PKM: variants seen among roughly 807,000 people sequenced by gnomAD.
The protein encoded by PKM is pyruvate kinase M1/2.
In PKM, 18 loss-of-function variants were observed where a neutral mutation model predicts 49.8. The ratio of observed to expected loss-of-function variants is 0.36; its 90% CI spans 0.25 to 0.54. PKM has a LOEUF of 0.54. PKM is among the 20% of genes least tolerant of loss of function. The pLI is 0.89. For synonymous variants in PKM, 239 were observed against 261.8 expected (o/e 0.91, Z 0.84); for missense variants, 508 against 713.8 (o/e 0.71, Z 3.28).
chr15:72,211,314 A>G (rs970389018), intron 3 of PKM, among the ~76,000 whole-genome samples: 1 of 151,716 alleles, frequency 6.6e-6, no homozygotes, highest in East Asian at 1.9e-4. Flanking sequence ...TGATCCGCCC[A>G]CCTCGGCCTC....
intron 1 of PKM, chr15:72,219,322 G>C (rs573838573): frequency 1.9e-6 from 1 of 533,414 alleles, no homozygotes; most frequent in East Asian, 3.1e-5. Flanking sequence ...GGACCTTACT[G>C]AACAAGTTAA....
In PKM at chr15:72,200,469, C is replaced by T. The variant is rs1361135835; in HGVS notation, c.1489+5G>A. 8 of 1,612,312 alleles carry T rather than the reference C, an allele frequency of 5.0e-6. No homozygotes were observed. Among genetic ancestry groups the T allele is most frequent in the South Asian group, 1.1e-5 (1 of 91,022 alleles). The stretch of plus-strand genomic sequence containing the variant: ...TAGGCTCTAGCCCCTGCTCCAGCCA[C>T]GTACCAACATTCATGGCAAAGTTCA... On this transcript the variant is annotated splice_donor_5th_base_variant and intron_variant, in intron 10 of 10. Coordinates refer to ENST00000335181, the MANE Select transcript of PKM (RefSeq NM_002654.6). This position sits in a 1 kb window ranked among gnomAD's most constrained non-coding sequence, Gnocchi z 4.6.
At chr15:72,203,344 G>A (rs2081993879) in intron 8 of PKM, 2 of 676,584 alleles carry the variant, frequency 3.0e-6, no homozygotes, top group Middle Eastern at 4.0e-4. Context: ...TGCAGAGGTA[G>A]GGTGATGAAA....
At chr15:72,209,421 A>C in intron 5 of PKM, 1 of 20,702 alleles carries the variant, frequency 4.8e-5, no homozygotes, top group Non-Finnish European at 1.3e-4. Flanking sequence ...ATATATATAT[A>C]TATATATATA....
chr15:72,230,905 C>A lies in PKM; in HGVS notation c.-14+211G>T, dbSNP rs1276516559. 3 of 1,285,986 alleles carry A rather than the reference C, an allele frequency of 2.3e-6. No individual in the cohort carries two copies. In the African/African-American group the frequency reaches 4.6e-5, roughly 20 times the overall value. The allele number at this position is 1,285,986 out of a possible 1,614,324, so 79.7% of individuals were successfully genotyped here. A position where few individuals can be genotyped will look rare whatever the true frequency, so the allele number is the denominator to read the frequency against. ...AAAGGAGCCGGCGGACCCGCCTGAT[C>A]TGGAAGGAACGGCGCTGGGGACTTC... is the stretch of plus-strand genomic sequence containing the variant. On this transcript the variant is annotated intron_variant, in intron 1 of 10. Coordinates refer to ENST00000335181, the MANE Select transcript of PKM (RefSeq NM_002654.6).
chr15:72,209,052 G>A, intron 5 of PKM, 161 bp from the exon 6 acceptor site: 2 of 745,172 alleles, frequency 2.7e-6, no homozygotes, highest in Non-Finnish European at 4.6e-6. Flanking sequence ...GTAATCCTGG[G>A]CAAGCCATTT....
At chr15:72,230,370 A>G (rs1252473784) in intron 1 of PKM, among the ~76,000 whole-genome samples, 3 of 152,166 alleles carry the variant, frequency 2.0e-5, no homozygotes, top group Non-Finnish European at 4.4e-5. Context: ...ACGGGGCCTC[A>G]GCACCGCCCG....
At chr15:72,206,130 C>G (rs2140633459) in intron 8 of PKM, 1 of 155,218 alleles carries the variant, frequency 6.4e-6, no homozygotes, top group East Asian at 1.9e-4. Context: ...GTAAGAGCAG[C>G]AGCTGTACCC....
chr15:72,210,558 T>C (rs1196133589), intron 3 of PKM, 80 bp from the exon 4 acceptor site: 1 of 1,547,092 alleles, frequency 6.5e-7, no homozygotes, highest in Admixed American at 1.7e-5. Context: ...GAGCCAAAGC[T>C]GATCACTCAG....
At chr15:72,230,804 G>A in intron 1 of PKM, 2 of 533,102 alleles carry the variant, frequency 3.8e-6, no homozygotes, top group East Asian at 7.5e-5. Context: ...GAAGGCAGGC[G>A]AGGATGGAGG....
Position 72,207,226 on chromosome 15 carries a change from A to G in PKM, c.888T>C (p.Asp296=), listed in dbSNP as rs1596737617. Residue 296 remains aspartate (D), a synonymous_variant, in exon 7 of 11, where the codon GAT becomes GAC. Transcript: ENST00000335181. ...ASDGIMVARG[D]LGIEIPAEKV... ...TCTCTGCAGGAATCTCAATGCCTAGATCACCACGAGCCACCATGATCCCAT... is the reference window on the plus strand; with the variant it reads ...TCTCTGCAGGAATCTCAATGCCTAGGTCACCACGAGCCACCATGATCCCAT... 1.2e-6 allele frequency: 2 copies of G among 1,614,124 alleles called. No homozygotes were observed. The highest frequency in any genetic ancestry group is 1.7e-6 in the Non-Finnish European group (2 of 1,179,980).
In PKM at chr15:72,208,689, C is replaced by G; in HGVS notation, c.768G>C (p.Lys256Asn). The G allele has an allele frequency of 6.2e-6, 10 of 1,614,150 alleles. No individual in the cohort carries two copies. Among genetic ancestry groups the G allele is most frequent in the Non-Finnish European group, 8.5e-6 (10 of 1,180,030 alleles). Residue 256 changes from lysine (K) to asparagine (N), a missense_variant, in exon 6 of 11, where the codon AAG (lysine) becomes AAC (asparagine). Lys to Asn is a moderately conservative substitution (Grantham distance 94). Transcript: ENST00000335181. The stretch of plus-strand genomic sequence containing the variant: ...TGTTCTTTCCCTTCTCTCCCAGGAC[C>G]TTCCTAACTTCATGGACATCAGATG... ...RKASDVHEVR[K>N]VLGEKGKNIK...
chr15:72,213,924 G>A (rs765311400), intron 3 of PKM, among the ~76,000 whole-genome samples: 18 of 152,002 alleles, frequency 1.2e-4, no homozygotes, highest in Admixed American at 2.0e-4. Context: ...GCACATCCTC[G>A]CATTCTTCAC....
chr15:72,202,231 T>C lies in PKM; in HGVS notation c.1307+223A>G. The C allele has an allele frequency of 1.7e-6, 1 of 588,340 alleles. No homozygotes were observed. Among genetic ancestry groups the C allele is most frequent in the South Asian group, 2.0e-5 (1 of 50,488 alleles). The allele number at this position is 588,340 out of a possible 1,614,324, so 36.4% of individuals were successfully genotyped here. On this transcript the variant is annotated intron_variant, in intron 9 of 10. Transcript: ENST00000335181. The surrounding 1 kb of genome is among the most constrained non-coding windows in gnomAD (Gnocchi z 4.5). ...AATAAATCTCCAGCATAAATTTGCT[T>C]TTGATCCAAATGTTCTGACATTCCT...
rs192687850 is a variant in PKM at position 72,228,492 on chromosome 15, A to G, written c.-14+2624T>C. ...GTTGAGGCATTTTTAATTAGGGGAAATGCATGCTTCATTATCTGACTCACT... is the reference window on the plus strand; with the variant it reads ...GTTGAGGCATTTTTAATTAGGGGAAGTGCATGCTTCATTATCTGACTCACT... On this transcript the variant is annotated intron_variant, in intron 1 of 10. Transcript: ENST00000335181. 2.2e-5 allele frequency: 10 copies of G among 465,022 alleles called. No individual in the cohort carries two copies. The East Asian group carries it at 7.7e-4, about 36-fold the overall frequency. 28.8% of individuals were successfully genotyped at this position (465,022 alleles called of 1,614,324 possible). A position where few individuals can be genotyped will look rare whatever the true frequency, so the allele number is the denominator to read the frequency against.
At chr15:72,206,556 A>G (rs1326199937) in intron 8 of PKM, 172 bp downstream of exon 8, 1 of 639,306 alleles carries the variant, frequency 1.6e-6, no homozygotes, top group East Asian at 2.7e-5. Context: ...AACAGGAGAA[A>G]AAAAAAAGCC....
intron 1 of PKM, among the ~76,000 whole-genome samples, chr15:72,223,895 G>C (rs938243091): frequency 6.8e-6 from 1 of 147,286 alleles, no homozygotes; most frequent in Non-Finnish European, 1.5e-5. Flanking sequence ...CCACTTGTAG[G>C]TTCTAGTAAA....
chr15:72,227,773 AAC>A (rs1491080365), intron 1 of PKM, among the ~76,000 whole-genome samples: 4,167 of 33,820 alleles, frequency 0.12, 1,462 homozygotes, highest in Non-Finnish European at 0.2. Flanking sequence ...AAAAAAAAAA[AAC>A]AAAAAACTGA....
chr15:72,229,515 A>G (rs1208223007), intron 1 of PKM: 1 of 1,251,444 alleles, frequency 8.0e-7, no homozygotes, highest in African/African-American at 1.5e-5. Context: ...GGTCTGGAGT[A>G]CGTAGATTAA....
Sources: allele counts gnomAD v4.1 joint callset (sites outside exome capture counted in the v4.1 genomes callset), GRCh38; gene constraint gnomAD v4.1.1; non-coding constraint Gnocchi (gnomAD v3.1); transcripts MANE v1.5; gene names NCBI Gene and HGNC (gene_info 2026-07-23, HGNC 2026-07-21).